Variants in ATP8A2 observed in about 807,000 individuals in gnomAD.
ATP8A2 encodes ATPase phospholipid transporting 8A2.
Under a neutral mutation model 165.6 loss-of-function variants are expected in ATP8A2, and 100 were observed. The ratio of observed to expected loss-of-function variants is 0.60; its 90% CI spans 0.51 to 0.71. The LOEUF is 0.71. Among genes scored for constraint, ATP8A2 ranks in the 30% least tolerant of loss-of-function variants. The probability of loss-of-function intolerance (pLI) is 0.00; values close to 1 mark genes in which losing one functional copy is unlikely to be tolerated. For synonymous variants in ATP8A2, 543 were observed against 548.8 expected, an observed-to-expected ratio of 0.99 and a Z score of 0.15; for missense variants, 1,227 against 1,479.5, an observed-to-expected ratio of 0.83 and a Z score of 2.80.
intron 1 of ATP8A2, among the ~76,000 whole-genome samples, chr13:25,402,413 T>C (rs145897524): frequency 2.0e-5 from 3 of 152,178 alleles, no homozygotes; most frequent in African/African-American, 7.2e-5. Context: ...TGTGTTAGGG[T>C]ATGAGTATCT....
At chr13:25,708,419 C>A (rs2043095700) in intron 25 of ATP8A2, among the ~76,000 whole-genome samples, 1 of 152,174 alleles carries the variant, frequency 6.6e-6, no homozygotes, top group South Asian at 2.1e-4. Context: ...ACACTGACAC[C>A]TTTCTGATTG....
intron 33 of ATP8A2, among the ~76,000 whole-genome samples, chr13:25,933,471 CT>C (rs954114884): frequency 6.6e-6 from 1 of 152,060 alleles, no homozygotes; most frequent in Non-Finnish European, 1.5e-5. Context: ...AATTCAGTTT[CT>C]TTTTTTTCTT....
At chr13:25,477,773 C>T (rs931894353) in intron 2 of ATP8A2, among the ~76,000 whole-genome samples, 1 of 152,108 alleles carries the variant, frequency 6.6e-6, no homozygotes, top group Non-Finnish European at 1.5e-5. Context: ...CCCGTCTCTA[C>T]TAAAAACACA....
chr13:25,650,731 C>A (rs984600751), intron 24 of ATP8A2, among the ~76,000 whole-genome samples: 1 of 151,986 alleles, frequency 6.6e-6, no homozygotes, highest in African/African-American at 2.4e-5. Context: ...ACTAATTTTC[C>A]TGTATTTATT....
intron 33 of ATP8A2, among the ~76,000 whole-genome samples, chr13:25,947,155 C>T (rs755376180): frequency 1.3e-5 from 2 of 152,154 alleles, no homozygotes; most frequent in African/African-American, 2.4e-5. Context: ...TAAGTACCCA[C>T]GCAGTACTCT....
chr13:25,666,692 A>T (rs1022243152), intron 24 of ATP8A2, among the ~76,000 whole-genome samples: 2 of 152,030 alleles, frequency 1.3e-5, no homozygotes, highest in Admixed American at 6.6e-5. Flanking sequence ...TTAAACTCTG[A>T]GTCTTTTGAC....
chr13:25,724,435 A>G (rs1474809402), intron 25 of ATP8A2, among the ~76,000 whole-genome samples: 4 of 152,214 alleles, frequency 2.6e-5, no homozygotes, highest in African/African-American at 4.8e-5. Flanking sequence ...ACATTTCCCA[A>G]TGTTGAATTG....
At chr13:25,900,886 C>G (rs946836102) in intron 33 of ATP8A2, among the ~76,000 whole-genome samples, 1 of 152,182 alleles carries the variant, frequency 6.6e-6, no homozygotes, top group African/African-American at 2.4e-5. Flanking sequence ...CCATTCTAGC[C>G]ACGTCCACTG....
At chr13:25,385,215 A>G (rs1222647165) in intron 1 of ATP8A2, among the ~76,000 whole-genome samples, 2 of 152,140 alleles carry the variant, frequency 1.3e-5, no homozygotes, top group Non-Finnish European at 2.9e-5. Context: ...AGGGAAGCCA[A>G]CTGAGCTGTG....
At chr13:25,537,804 A>G (rs2038335935) in intron 6 of ATP8A2, among the ~76,000 whole-genome samples, 184 bp from the exon 7 acceptor site, 1 of 152,182 alleles carries the variant, frequency 6.6e-6, no homozygotes, top group African/African-American at 2.4e-5. Flanking sequence ...CAACATTACC[A>G]GTGTCTGCAT....
intron 24 of ATP8A2, among the ~76,000 whole-genome samples, chr13:25,614,597 A>G (rs991731893): frequency 6.6e-6 from 1 of 152,068 alleles, no homozygotes; most frequent in African/African-American, 2.4e-5. Flanking sequence ...TATTACCTGA[A>G]CTATTTTTCT....
chr13:25,413,486 T>A (rs1439926318), intron 1 of ATP8A2, among the ~76,000 whole-genome samples: 1 of 152,154 alleles, frequency 6.6e-6, no homozygotes, highest in Admixed American at 6.5e-5. Flanking sequence ...TTTGCCATGT[T>A]GGCCAGGCTG....
intron 31 of ATP8A2, 81 bp from the exon 32 acceptor site, chr13:25,860,723 T>G (rs1481909713): frequency 9.0e-7 from 1 of 1,110,060 alleles, no homozygotes; most frequent in Non-Finnish European, 1.3e-6. Context: ...AGTTCTGGAG[T>G]GGAGAGATGG....
At chr13:25,854,814 T>C (rs1952110425) in intron 30 of ATP8A2, among the ~76,000 whole-genome samples, 1 of 152,246 alleles carries the variant, frequency 6.6e-6, no homozygotes, top group Non-Finnish European at 1.5e-5. Flanking sequence ...AGCAGCTTTA[T>C]TGGGCTATAA....
chr13:25,631,993 C>T (rs2041252015), intron 24 of ATP8A2, among the ~76,000 whole-genome samples: 1 of 152,154 alleles, frequency 6.6e-6, no homozygotes, highest in South Asian at 2.1e-4. Flanking sequence ...TCTCCCCGAC[C>T]TTAGAATCCA....
intron 25 of ATP8A2, among the ~76,000 whole-genome samples, chr13:25,704,995 C>G (rs1378708836): frequency 1.3e-5 from 2 of 152,090 alleles, no homozygotes; most frequent in East Asian, 3.9e-4. Flanking sequence ...TTTCAACTGT[C>G]TTATATGTTT....
rs9553616 is a variant in ATP8A2 at position 25,425,426 on chromosome 13, T to C, written c.77-43551T>C. ...AAGACGTCATAAATTTGAAATCATA[T>C]AGTATGCAGCCTTTTCAGATTGGCT... On this transcript the variant is annotated intron_variant, in intron 1 of 36. Transcript: ENST00000381655. Among the ~76,000 whole-genome samples the C allele has an allele frequency of 6.3e-3, 350 of 55,162 alleles. 101 individuals carry two copies. The highest frequency in any genetic ancestry group is 0.023 in the East Asian group (22 of 946). 36.2% of individuals were successfully genotyped at this position (55,162 alleles called of 152,430 possible).
intron 28 of ATP8A2, among the ~76,000 whole-genome samples, chr13:25,831,139 T>C (rs1951454798): frequency 6.6e-6 from 1 of 152,142 alleles, no homozygotes. Context: ...CTCTCCTGCT[T>C]TTTCTTCTAA....
At chr13:25,957,050 G>A (rs939475812) in intron 33 of ATP8A2, among the ~76,000 whole-genome samples, 7 of 152,150 alleles carry the variant, frequency 4.6e-5, no homozygotes, top group African/African-American at 1.7e-4. Context: ...AATGGTGTTG[G>A]GAAAACTGGC....
Sources: allele counts gnomAD v4.1 joint callset (sites outside exome capture counted in the v4.1 genomes callset), GRCh38; gene constraint gnomAD v4.1.1; transcripts MANE v1.5; gene names NCBI Gene and HGNC (gene_info 2026-07-23, HGNC 2026-07-21).